The following ADGRB1 variants were observed in gnomAD, a reference collection of about 807,000 sequenced individuals.
The protein encoded by ADGRB1 is adhesion G protein-coupled receptor B1.
ADGRB1 carries 36 observed loss-of-function variants against 175.7 expected under a neutral mutation model. The observed-to-expected ratio is 0.20, with a 90% CI of 0.16 to 0.27. ADGRB1 has a LOEUF of 0.27. Ranked by LOEUF, ADGRB1 falls within the 10% of genes least tolerant of loss-of-function variation. The pLI is 1.00. For synonymous variants in ADGRB1, 1,054 were observed against 979.4 expected (o/e 1.08, Z -1.42); for missense variants, 1,731 against 2,255.3 (o/e 0.77, Z 4.71).
chr8:142,507,379 C>T (rs1295936713), intron 17 of ADGRB1, among the ~76,000 whole-genome samples: 1 of 152,210 alleles, frequency 6.6e-6, no homozygotes, highest in East Asian at 1.9e-4. Flanking sequence ...CCCCAGGATC[C>T]AGGCCCTTAC....
chr8:142,479,894 C>T (rs573844375), intron 9 of ADGRB1, 100 bp downstream of exon 9: 12 of 1,313,768 alleles, frequency 9.1e-6, no homozygotes, highest in East Asian at 4.7e-5. Context: ...GGCCCAGACA[C>T]GGAGCCCAGA....
At position 142,518,382 on chromosome 8, in the gene ADGRB1, G is replaced by A. The variant is rs1413991838; in HGVS notation, c.2921+141G>A. 145 of 830,352 alleles carry A rather than the reference G, an allele frequency of 1.7e-4. 1 individual carries two copies. The East Asian group carries it at 3.3e-3, about 19-fold the overall frequency. The allele number at this position is 830,352 out of a possible 1,614,324, so 51.4% of individuals were successfully genotyped here. ...TCCCAGTCACCTCCGCATTTGCCAC[G>A]GAACCAGCCATGCTGTGGCCCCTCC... On this transcript the variant is annotated intron_variant, in intron 19 of 30. Coordinates refer to ENST00000517894, the MANE Select transcript of ADGRB1 (RefSeq NM_001702.3).
At chr8:142,468,785 C>G (rs1840422856) in intron 2 of ADGRB1, among the ~76,000 whole-genome samples, 1 of 152,244 alleles carries the variant, frequency 6.6e-6, no homozygotes. Context: ...TGGGCCCACT[C>G]TCTGACCCTT....
In ADGRB1 at chr8:142,464,591, A is replaced by G; in HGVS notation, c.393A>G (p.Ala131=). Residue 131 remains alanine (A), a synonymous_variant, in exon 2 of 31, where the codon GCA becomes GCG. Transcript: ENST00000517894. Reference sequence around the variant, plus strand: ...TGCTGCGGCTCTGCGACCCCTCCGCACCCCTGGCCTTCCTGCAGGCCAGCA... The same window carrying G: ...TGCTGCGGCTCTGCGACCCCTCCGCGCCCCTGGCCTTCCTGCAGGCCAGCA... ...DEVLRLCDPS[A]PLAFLQASKQ... 6.5e-7 allele frequency: 1 copy of G among 1,528,406 alleles called. No individual in the cohort carries two copies. 94.7% of individuals were successfully genotyped at this position (1,528,406 alleles called of 1,614,324 possible). A position where few individuals can be genotyped will look rare whatever the true frequency, so the allele number is the denominator to read the frequency against.
At chr8:142,494,502 A>T (rs1164523703) in intron 17 of ADGRB1, among the ~76,000 whole-genome samples, 1 of 152,074 alleles carries the variant, frequency 6.6e-6, no homozygotes, top group African/African-American at 2.4e-5. Context: ...TTCCAGCCAC[A>T]TACAGCAACT....
intron 17 of ADGRB1, among the ~76,000 whole-genome samples, chr8:142,506,776 C>T (rs1336489834): frequency 6.6e-6 from 1 of 152,204 alleles, no homozygotes; most frequent in Non-Finnish European, 1.5e-5. Context: ...CCTAAGTCGA[C>T]ATGCATCCAA....
intron 18 of ADGRB1, among the ~76,000 whole-genome samples, chr8:142,516,432 T>C (rs1201885755): frequency 1.5e-5 from 2 of 136,798 alleles, no homozygotes; most frequent in Non-Finnish European, 3.1e-5. Flanking sequence ...TGTGCGTGTG[T>C]GCGGGCCCCA....
At chr8:142,451,622 C>T (rs1839355254) in intron 1 of ADGRB1, among the ~76,000 whole-genome samples, 1 of 152,174 alleles carries the variant, frequency 6.6e-6, no homozygotes, top group Non-Finnish European at 1.5e-5. Context: ...ATCCTGGGAA[C>T]CCACGGAGAC....
intron 26 of ADGRB1, 60 bp from the exon 27 acceptor site, chr8:142,539,314 G>A (rs1010571874): frequency 2.0e-5 from 31 of 1,533,766 alleles, no homozygotes; most frequent in East Asian, 2.0e-4. Context: ...GTCTGTGCAC[G>A]CGTGCACACA....
At chr8:142,500,976 A>C (rs1024522728) in intron 17 of ADGRB1, among the ~76,000 whole-genome samples, 21 of 152,024 alleles carry the variant, frequency 1.4e-4, no homozygotes, top group African/African-American at 5.1e-4. Context: ...CCCTCCTGCC[A>C]GCCTGGTTCT....
In ADGRB1 at chr8:142,474,346, G is replaced by A. The variant is rs367891395; in HGVS notation, c.785-1128G>A. On this transcript the variant is annotated intron_variant, in intron 2 of 30. Transcript: ENST00000517894. This position sits in a 1 kb window ranked among gnomAD's most constrained non-coding sequence, Gnocchi z 5.8. ...CCCCAGCTCCATGGTGGGTCCCCTC[G>A]TGGTGGCCGCCAGCTGTCTCCTCGC... Among the ~76,000 whole-genome samples the A allele has an allele frequency of 2.2e-3, 334 of 152,268 alleles. 1 individual carries two copies. The highest frequency in any genetic ancestry group is 6.9e-3 in the African/African-American group (286 of 41,538).
rs368149001 is a variant in ADGRB1 at position 142,488,398 on chromosome 8, C to T, written c.2343C>T (p.Ala781=). Reference sequence around the variant, plus strand: ...TCCATAAGCTCCCAGCCAGCGGAGCCACTGACATCAGCTTCCCCATGAAGG... The same window carrying T: ...TCCATAAGCTCCCAGCCAGCGGAGCTACTGACATCAGCTTCCCCATGAAGG... ...LSIHKLPASG[A]TDISFPMKGW... Residue 781 remains alanine, a synonymous_variant, in exon 14 of 31, where the codon GCC becomes GCT. Coordinates refer to ENST00000517894, the MANE Select transcript of ADGRB1 (RefSeq NM_001702.3). 1.2e-3 allele frequency: 1,923 copies of T among 1,613,212 alleles called. 4 individuals carry two copies. Among genetic ancestry groups the T allele is most frequent in the Non-Finnish European group, 1.5e-3 (1,782 of 1,179,846 alleles).
At chr8:142,453,747 G>A (rs1193504836) in intron 1 of ADGRB1, among the ~76,000 whole-genome samples, 4 of 152,226 alleles carry the variant, frequency 2.6e-5, no homozygotes, top group African/African-American at 7.2e-5. Context: ...GGAATATGCA[G>A]GAAAAAGCCC....
chr8:142,459,999 C>T (rs1441044826), intron 1 of ADGRB1, among the ~76,000 whole-genome samples: 1 of 152,278 alleles, frequency 6.6e-6, no homozygotes, highest in Non-Finnish European at 1.5e-5. Context: ...CTGCACGCCC[C>T]ACCCCATCTC....
chr8:142,527,612 G>A (rs1844284650), intron 24 of ADGRB1, among the ~76,000 whole-genome samples: 1 of 152,064 alleles, frequency 6.6e-6, no homozygotes, highest in South Asian at 2.1e-4. Context: ...GATGGAGGCT[G>A]GAACAGGCCT....
In ADGRB1 at chr8:142,523,986, T is replaced by C. The variant is rs1022160307; in HGVS notation, c.3246-252T>C. 2.6e-5 allele frequency among the ~76,000 whole-genome samples: 4 copies of C among 152,186 alleles called. No individual in the cohort carries two copies. The South Asian group carries it at 6.2e-4, about 24-fold the overall frequency. ...CAGCCTGGTGCCCCTGCTGTGTGGC[T>C]CTAAGCAGGTGGGTCCCCCCCTCTG... On this transcript the variant is annotated intron_variant, in intron 22 of 30. Coordinates refer to ENST00000517894, the MANE Select transcript of ADGRB1 (RefSeq NM_001702.3).
Position 142,543,846 on chromosome 8 carries a change from C to T in ADGRB1, c.4557+138C>T. Reference sequence around the variant, plus strand: ...TTCATTCATTCATTCATTCGCCCATCCCTGAGGGCTGGCCTGACCCTGCCA... The same window carrying T: ...TTCATTCATTCATTCATTCGCCCATTCCTGAGGGCTGGCCTGACCCTGCCA... On this transcript the variant is annotated intron_variant, in intron 30 of 30. Coordinates refer to ENST00000517894, the MANE Select transcript of ADGRB1 (RefSeq NM_001702.3). This position sits in a 1 kb window ranked among gnomAD's most constrained non-coding sequence, Gnocchi z 4.4. 1 of 941,178 alleles carries T rather than the reference C, an allele frequency of 1.1e-6. No individual in the cohort carries two copies. Among genetic ancestry groups the T allele is most frequent in the Non-Finnish European group, 1.6e-6 (1 of 612,688 alleles). 58.3% of individuals were successfully genotyped at this position (941,178 alleles called of 1,614,324 possible). A position where few individuals can be genotyped will look rare whatever the true frequency, so the allele number is the denominator to read the frequency against.
In ADGRB1 at chr8:142,524,240, G is replaced by T; in HGVS notation, c.3248G>T (p.Cys1083Phe). 6.3e-7 allele frequency: 1 copy of T among 1,599,616 alleles called. No homozygotes were observed. The change falls in exon 23 of 31, where the codon TGC (cysteine) becomes TTC (phenylalanine). Residue 1083 changes from cysteine (C) to phenylalanine (F), a missense_variant and splice_region_variant. This residue lies in a region of ADGRB1 where 301 missense variants were observed against 488.4 expected (regional missense o/e 0.62). Transcript: ENST00000517894. Reference protein sequence around the residue: ...KAKGYSTMNYCWLSLEGGLLY... With the variant: ...KAKGYSTMNYFWLSLEGGLLY... ...CTGATGGCCTGTCTCCTCCCCAGCTGCTGGCTCTCCCTGGAGGGGGGACTG... is the reference window on the plus strand; with the variant it reads ...CTGATGGCCTGTCTCCTCCCCAGCTTCTGGCTCTCCCTGGAGGGGGGACTG...
At position 142,544,886 on chromosome 8, in the gene ADGRB1, G is replaced by A. The variant is rs57279714; in HGVS notation, c.*469G>A. ...AGGCCCCTCCTAGACCCAGGTGGAG[G>A]GCACAGCCCTCCGACCCTCATGGCC... On this transcript the variant is annotated 3_prime_UTR_variant, in exon 31 of 31. Transcript: ENST00000517894. 8,105 of 153,854 alleles carry A rather than the reference G, an allele frequency of 0.053. 721 individuals are homozygous for A. Among genetic ancestry groups the A allele is most frequent in the African/African-American group, 0.18 (7,566 of 41,622 alleles). The allele number at this position is 153,854 out of a possible 1,614,324, so 9.5% of individuals were successfully genotyped here. A position where few individuals can be genotyped will look rare whatever the true frequency, so the allele number is the denominator to read the frequency against.
Sources: allele counts gnomAD v4.1 joint callset (sites outside exome capture counted in the v4.1 genomes callset), GRCh38; gene constraint gnomAD v4.1.1; regional missense constraint gnomAD v4.1.1; non-coding constraint Gnocchi (gnomAD v3.1); transcripts MANE v1.5; gene names NCBI Gene and HGNC (gene_info 2026-07-23, HGNC 2026-07-21).